ADAM2: variants seen among roughly 807,000 people sequenced by gnomAD.
ADAM2 encodes the protein ADAM metallopeptidase domain 2, also known as disintegrin and metalloproteinase domain-containing protein 2.
A neutral mutation model predicts 99.3 loss-of-function variants in ADAM2; 101 were observed. That is an observed-to-expected ratio of 1.02 (90% CI 0.87 to 1.20). The LOEUF is 1.20. ADAM2 is among the 50% of genes most tolerant of loss of function. The probability of loss-of-function intolerance (pLI) is 0.00; values close to 1 mark genes in which losing one functional copy is unlikely to be tolerated. For missense variants in ADAM2, 948 were observed against 878.7 expected, an observed-to-expected ratio of 1.08 and a Z score of -1.00; for synonymous variants, 323 against 287.6, an observed-to-expected ratio of 1.12 and a Z score of -1.25.
At chr8:39,772,522 A>C (rs1160432123) in intron 11 of ADAM2, among the ~76,000 whole-genome samples, 1 of 152,050 alleles carries the variant, frequency 6.6e-6, no homozygotes, top group Non-Finnish European at 1.5e-5. Context: ...ACAGTGTGAA[A>C]TTATACTGTG....
chr8:39,806,420 T>C (rs1411984474), intron 7 of ADAM2, among the ~76,000 whole-genome samples: 1 of 150,714 alleles, frequency 6.6e-6, no homozygotes, highest in Non-Finnish European at 1.5e-5. Flanking sequence ...AACTATATTA[T>C]ATTAAAAATG....
intron 6 of ADAM2, among the ~76,000 whole-genome samples, chr8:39,820,421 T>C (rs1035665264): frequency 1.3e-5 from 2 of 152,010 alleles, no homozygotes; most frequent in African/African-American, 4.8e-5. Flanking sequence ...AGAGAAAGCA[T>C]TGAGTGGGAA....
intron 17 of ADAM2, 85 bp downstream of exon 17, chr8:39,749,582 T>TGTGC: frequency 9.4e-7 from 1 of 1,060,096 alleles, no homozygotes; most frequent in African/African-American, 2.1e-5. Context: ...TGTGTGTGTG[T>TGTGC]GTGCGTGTGT....
chr8:39,811,383 T>C (rs1370360241), intron 6 of ADAM2, among the ~76,000 whole-genome samples: 3 of 152,140 alleles, frequency 2.0e-5, no homozygotes, highest in Non-Finnish European at 4.4e-5. Flanking sequence ...TCTGAAACTA[T>C]TCCAATCAAT....
chr8:39,765,194 A>G (rs896624735), intron 14 of ADAM2, among the ~76,000 whole-genome samples: 4 of 152,150 alleles, frequency 2.6e-5, no homozygotes, highest in African/African-American at 9.7e-5. Flanking sequence ...AACTGCTTGA[A>G]GTTTGAATCT....
chr8:39,827,091 T>C (rs553295485), intron 3 of ADAM2, among the ~76,000 whole-genome samples: 1 of 152,124 alleles, frequency 6.6e-6, no homozygotes, highest in South Asian at 2.1e-4. Flanking sequence ...ATAGACTTTC[T>C]CAAAAGAAGA....
chr8:39,748,736 A>G (rs1823579023), intron 18 of ADAM2, among the ~76,000 whole-genome samples: 1 of 152,146 alleles, frequency 6.6e-6, no homozygotes, highest in Non-Finnish European at 1.5e-5. Context: ...GGAATCACTA[A>G]GTAATATCTG....
chr8:39,798,303 G>T (rs1804056587), intron 7 of ADAM2, among the ~76,000 whole-genome samples: 1 of 152,144 alleles, frequency 6.6e-6, no homozygotes, highest in African/African-American at 2.4e-5. Flanking sequence ...TAATCATATG[G>T]TTTTTGTCTT....
At chr8:39,785,810 A>G (rs1005386604) in intron 10 of ADAM2, among the ~76,000 whole-genome samples, 4 of 151,678 alleles carry the variant, frequency 2.6e-5, no homozygotes, top group African/African-American at 4.9e-5. Context: ...AAAAAAAAAA[A>G]AAAGAAAGAC....
chr8:39,771,425 A>G (rs1236902026), intron 11 of ADAM2, among the ~76,000 whole-genome samples: 2 of 152,196 alleles, frequency 1.3e-5, no homozygotes, highest in Non-Finnish European at 2.9e-5. Flanking sequence ...GGAGTGCACT[A>G]TTGAAACCAC....
intron 11 of ADAM2, among the ~76,000 whole-genome samples, chr8:39,776,484 G>A (rs1254284556): frequency 6.6e-6 from 1 of 151,948 alleles, no homozygotes; most frequent in African/African-American, 2.4e-5. Context: ...AAATCCCCTG[G>A]CTATTTGATC....
intron 19 of ADAM2, among the ~76,000 whole-genome samples, chr8:39,746,017 G>GTATATA (rs10661866): frequency 2.0e-5 from 3 of 150,140 alleles, no homozygotes; most frequent in African/African-American, 7.4e-5. Context: ...GTGTGTGTGT[G>GTATATA]TATATATATA....
chr8:39,768,261 G>A (rs989268089), intron 12 of ADAM2, among the ~76,000 whole-genome samples: 1 of 152,044 alleles, frequency 6.6e-6, no homozygotes, highest in Non-Finnish European at 1.5e-5. Flanking sequence ...AGTGGGTGAC[G>A]AGGAACAATT....
At chr8:39,818,440 A>C (rs1805040771) in intron 6 of ADAM2, among the ~76,000 whole-genome samples, 1 of 152,014 alleles carries the variant, frequency 6.6e-6, no homozygotes. Context: ...TAACCTGATA[A>C]AGGGCACCTG....
chr8:39,753,812 A>AC (rs2129583171), intron 16 of ADAM2, among the ~76,000 whole-genome samples: 1 of 150,654 alleles, frequency 6.6e-6, no homozygotes, highest in Admixed American at 6.6e-5. Context: ...AAAACAACAA[A>AC]ACACACACAC....
intron 6 of ADAM2, among the ~76,000 whole-genome samples, chr8:39,813,543 G>A (rs760736471): frequency 6.6e-6 from 1 of 152,162 alleles, no homozygotes; most frequent in Non-Finnish European, 1.5e-5. Context: ...ATGACAGACT[G>A]GATAAAGAAA....
At chr8:39,804,541 T>C (rs913928290) in intron 7 of ADAM2, among the ~76,000 whole-genome samples, 3 of 152,052 alleles carry the variant, frequency 2.0e-5, no homozygotes, top group Non-Finnish European at 2.9e-5. Context: ...AGTAATGTGA[T>C]AGCAATCCTG....
chr8:39,747,035 AC>A (rs1280794809), intron 18 of ADAM2, among the ~76,000 whole-genome samples: 1 of 152,138 alleles, frequency 6.6e-6, no homozygotes, highest in Admixed American at 6.5e-5. Flanking sequence ...GGTTCAGTTC[AC>A]CTGTGAAACC....
At chr8:39,769,908 T>C (rs1802711735) in intron 11 of ADAM2, among the ~76,000 whole-genome samples, 1 of 152,014 alleles carries the variant, frequency 6.6e-6, no homozygotes, top group African/African-American at 2.4e-5. Context: ...GGGACACCCC[T>C]GTATTAATAA....
Sources: allele counts gnomAD v4.1 joint callset (sites outside exome capture counted in the v4.1 genomes callset), GRCh38; gene constraint gnomAD v4.1.1; transcripts MANE v1.5; gene names NCBI Gene and HGNC (gene_info 2026-07-23, HGNC 2026-07-21).